The following GAB2 variants were observed in gnomAD, a reference collection of about 807,000 sequenced individuals.
GAB2 encodes the protein GRB2-associated-binding protein 2.
A neutral mutation model predicts 65.5 loss-of-function variants in GAB2; 26 were observed. The observed-to-expected ratio is 0.40, with a 90% CI of 0.29 to 0.55. The LOEUF (loss-of-function observed/expected upper bound fraction) is 0.55, where lower values mean the gene tolerates loss of function less well. Among genes scored for constraint, GAB2 ranks in the 20% least tolerant of loss-of-function variants. The probability of loss-of-function intolerance (pLI) is 0.53; values close to 1 mark genes in which losing one functional copy is unlikely to be tolerated. For missense variants in GAB2, 884 were observed against 875.8 expected (o/e 1.01, Z -0.12); for synonymous variants, 321 against 329.6 (o/e 0.97, Z 0.28).
At chr11:78,329,043 T>C (rs1855871749) in intron 1 of GAB2, among the ~76,000 whole-genome samples, 1 of 152,104 alleles carries the variant, frequency 6.6e-6, no homozygotes, top group East Asian at 1.9e-4. Context: ...AAAAATAAGA[T>C]GCACAATGGG....
intron 2 of GAB2, among the ~76,000 whole-genome samples, chr11:78,252,645 G>A (rs564531042): frequency 3.9e-5 from 6 of 152,170 alleles, no homozygotes; most frequent in East Asian, 3.9e-4. Context: ...ACTCTCCAGC[G>A]GGTAATCCTG....
At chr11:78,409,228 G>A (rs914093788) in intron 1 of GAB2, among the ~76,000 whole-genome samples, 38 of 152,190 alleles carry the variant, frequency 2.5e-4, no homozygotes, top group Middle Eastern at 3.4e-3. Context: ...GACTCAGCAG[G>A]TATTATATAA....
chr11:78,376,820 CA>C (rs1476828352), intron 1 of GAB2, among the ~76,000 whole-genome samples: 2 of 152,070 alleles, frequency 1.3e-5, no homozygotes, highest in African/African-American at 4.8e-5. Context: ...AACAGACTGA[CA>C]GTTGGGATAT....
At chr11:78,374,469 G>A (rs574218609) in intron 1 of GAB2, among the ~76,000 whole-genome samples, 4 of 152,266 alleles carry the variant, frequency 2.6e-5, no homozygotes, top group Non-Finnish European at 4.4e-5. Flanking sequence ...CTGAAGTCCC[G>A]GGGTCTAGTC....
chr11:78,409,521 T>C (rs962546985), intron 1 of GAB2, among the ~76,000 whole-genome samples: 4 of 151,738 alleles, frequency 2.6e-5, no homozygotes, highest in Admixed American at 1.3e-4. Flanking sequence ...GAGGTGGAGG[T>C]TGCGGAGAGC....
intron 1 of GAB2, among the ~76,000 whole-genome samples, chr11:78,384,178 C>G (rs1856736177): frequency 6.6e-6 from 1 of 152,214 alleles, no homozygotes; most frequent in Non-Finnish European, 1.5e-5. Flanking sequence ...GTGAATGTCA[C>G]ACACAGGAGT....
intron 3 of GAB2, among the ~76,000 whole-genome samples, chr11:78,238,744 G>T (rs890123980): frequency 2.0e-5 from 3 of 152,098 alleles, no homozygotes; most frequent in Non-Finnish European, 4.4e-5. Flanking sequence ...TCCTGAATAT[G>T]ACACCAAAAG....
At chr11:78,387,536 G>A (rs762758391) in intron 1 of GAB2, among the ~76,000 whole-genome samples, 10 of 152,194 alleles carry the variant, frequency 6.6e-5, no homozygotes, top group Non-Finnish European at 1.2e-4. Flanking sequence ...TTGTTAACAC[G>A]ATAGAAAAGG....
At chr11:78,219,498 T>C (rs1864311418) in intron 9 of GAB2, 83 bp from the exon 10 acceptor site, 1 of 1,294,448 alleles carries the variant, frequency 7.7e-7, no homozygotes, top group Non-Finnish European at 1.1e-6. Context: ...GGGATCTTCC[T>C]GAGCTGTCTG....
At chr11:78,288,373 C>T (rs1292903077) in intron 1 of GAB2, among the ~76,000 whole-genome samples, 29 of 72,666 alleles carry the variant, frequency 4.0e-4, no homozygotes, top group Non-Finnish European at 6.9e-4. Context: ...AGTGAGACTC[C>T]ATCTCAAAGA....
intron 1 of GAB2, among the ~76,000 whole-genome samples, chr11:78,306,202 A>C (rs932649160): frequency 6.6e-6 from 1 of 152,138 alleles, no homozygotes; most frequent in Admixed American, 6.6e-5. Flanking sequence ...ATCCCAACCT[A>C]ATCTAGAACC....
chr11:78,411,162 G>T (rs10899494), intron 1 of GAB2, among the ~76,000 whole-genome samples: 24,426 of 148,526 alleles, frequency 0.16, 2,751 homozygotes, highest in East Asian at 0.43. Flanking sequence ...GGGTGGTTGG[G>T]GGGGGGGATG....
chr11:78,310,513 C>CAAAAAAAAAAAAAAAA (rs11285625), intron 1 of GAB2, among the ~76,000 whole-genome samples: 1 of 74,738 alleles, frequency 1.3e-5, no homozygotes, highest in Non-Finnish European at 2.8e-5. Flanking sequence ...GACTCTGTCT[C>CAAAAAAAAAAAAAAAA]AAAAAAAAAA....
Position 78,222,088 on chromosome 11 carries a change from C to G in GAB2, c.1658+17G>C, listed in dbSNP as rs780804108. On this transcript the variant is annotated intron_variant, in intron 7 of 9. Coordinates refer to ENST00000361507, the MANE Select transcript of GAB2 (RefSeq NM_080491.3). ...TGGCCCGACTCCAAGCTCCCACCCC[C>G]ACACATACGCACTTACTTGGCCCTA... 9 of 1,548,698 alleles carry G rather than the reference C, an allele frequency of 5.8e-6. No individual in the cohort carries two copies. Among genetic ancestry groups the G allele is most frequent in the South Asian group, 3.3e-5 (3 of 89,752 alleles).
intron 1 of GAB2, among the ~76,000 whole-genome samples, chr11:78,340,802 G>GT (rs1446805402): frequency 6.6e-6 from 1 of 152,156 alleles, no homozygotes; most frequent in Admixed American, 6.5e-5. Context: ...AGGAAAGGGT[G>GT]TATCTCTCAA....
At chr11:78,366,462 T>G (rs1369538861) in intron 1 of GAB2, among the ~76,000 whole-genome samples, 1 of 151,810 alleles carries the variant, frequency 6.6e-6, no homozygotes. Flanking sequence ...GGTGCATGTC[T>G]GTAGTCCCAG....
chr11:78,350,497 G>C (rs1279793059), intron 1 of GAB2, among the ~76,000 whole-genome samples: 5 of 152,306 alleles, frequency 3.3e-5, no homozygotes, highest in African/African-American at 1.2e-4. Flanking sequence ...TCTGCTGCCT[G>C]TTTATTCCTC....
intron 1 of GAB2, among the ~76,000 whole-genome samples, chr11:78,358,473 A>ACAG: frequency 6.9e-6 from 1 of 144,656 alleles, no homozygotes; most frequent in African/African-American, 2.6e-5. Context: ...AATAATAATA[A>ACAG]TAAAGTGACC....
intron 1 of GAB2, among the ~76,000 whole-genome samples, chr11:78,326,013 T>C (rs991756163): frequency 6.6e-6 from 1 of 152,220 alleles, no homozygotes; most frequent in African/African-American, 2.4e-5. Context: ...TATTCTGTTT[T>C]GTAGAGACAA....
Sources: gnomAD v4.1 joint callset for allele counts (sites outside exome capture counted in the v4.1 genomes callset) on GRCh38, gnomAD v4.1.1 for gene constraint, MANE v1.5 for transcripts, NCBI Gene and HGNC (gene_info 2026-07-23, HGNC 2026-07-21) for gene names.